The following TRIM44 variants were observed in gnomAD, a reference collection of about 807,000 sequenced individuals.
The protein encoded by TRIM44 is tripartite motif-containing protein 44.
A neutral mutation model predicts 37.4 loss-of-function variants in TRIM44; 13 were observed. That is an observed-to-expected ratio of 0.35 (90% CI 0.23 to 0.55). TRIM44 has a LOEUF of 0.55. Ranked by LOEUF, TRIM44 falls within the 20% of genes least tolerant of loss-of-function variation. The pLI is 0.89. For synonymous variants in TRIM44, 175 were observed against 157.2 expected (o/e 1.11, Z -0.85); for missense variants, 426 against 437.2 (o/e 0.97, Z 0.23).
rs114308887 is a variant in TRIM44, at chr11:35,817,003, C to T, written c.*10618C>T. On this transcript the variant is annotated 3_prime_UTR_variant, in exon 5 of 5. Coordinates refer to ENST00000299413, the MANE Select transcript of TRIM44 (RefSeq NM_017583.6). ...ATCAACGGTAAGTACCTCAAATTACCGTATGTATTTACTTGTTCATAAGGT... is the reference window on the plus strand; with the variant it reads ...ATCAACGGTAAGTACCTCAAATTACTGTATGTATTTACTTGTTCATAAGGT... The T allele has an allele frequency of 2.0e-5, 3 of 152,210 alleles. No individual in the cohort carries two copies. The highest frequency in any genetic ancestry group is 6.5e-5 in the Admixed American group (1 of 15,280). 9.4% of individuals were successfully genotyped at this position (152,210 alleles called of 1,614,324 possible).
chr11:35,759,468 G>A (rs1216140791), intron 4 of TRIM44, among the ~76,000 whole-genome samples: 1 of 152,064 alleles, frequency 6.6e-6, no homozygotes, highest in African/African-American at 2.4e-5. Context: ...GCTCAGAGTA[G>A]TTTGATCATC....
At chr11:35,774,820 G>C (rs1402558815) in intron 4 of TRIM44, among the ~76,000 whole-genome samples, 1 of 152,110 alleles carries the variant, frequency 6.6e-6, no homozygotes, top group Non-Finnish European at 1.5e-5. Flanking sequence ...CTGTTCCATT[G>C]GTCTATATCT....
intron 4 of TRIM44, among the ~76,000 whole-genome samples, chr11:35,790,157 C>T (rs896686348): frequency 6.6e-6 from 1 of 152,148 alleles, no homozygotes; most frequent in Non-Finnish European, 1.5e-5. Flanking sequence ...TTAACCTCAT[C>T]GTAAGATGAC....
intron 4 of TRIM44, among the ~76,000 whole-genome samples, chr11:35,770,914 G>A (rs1209454616): frequency 6.6e-6 from 1 of 152,070 alleles, no homozygotes; most frequent in Non-Finnish European, 1.5e-5. Flanking sequence ...GTGAATCTGA[G>A]GCCTCCCCAG....
chr11:35,704,773 C>G (rs1049952109), intron 2 of TRIM44, among the ~76,000 whole-genome samples: 31 of 152,070 alleles, frequency 2.0e-4, no homozygotes, highest in African/African-American at 4.4e-4. Flanking sequence ...ACTAAACATG[C>G]AAAGGAACAA....
intron 2 of TRIM44, among the ~76,000 whole-genome samples, chr11:35,722,281 T>A (rs1274938837): frequency 6.6e-6 from 1 of 152,194 alleles, no homozygotes; most frequent in Non-Finnish European, 1.5e-5. Context: ...TTTGGAGTAG[T>A]CTCCTTAACA....
At chr11:35,794,237 C>T (rs114851782) in intron 4 of TRIM44, among the ~76,000 whole-genome samples, 1,946 of 152,228 alleles carry the variant, frequency 0.013, 45 homozygotes, top group African/African-American at 0.044. Flanking sequence ...CTATCTTGGC[C>T]TTGCTGACTT....
chr11:35,728,324 C>G (rs930230319), intron 3 of TRIM44, among the ~76,000 whole-genome samples: 1 of 151,760 alleles, frequency 6.6e-6, no homozygotes, highest in Non-Finnish European at 1.5e-5. Flanking sequence ...GAAACTCCAT[C>G]TCAAAAAAAA....
At chr11:35,748,352 T>C (rs1852520870) in intron 4 of TRIM44, among the ~76,000 whole-genome samples, 1 of 152,212 alleles carries the variant, frequency 6.6e-6, no homozygotes, top group Non-Finnish European at 1.5e-5. Context: ...CTTGTTTAGG[T>C]ACTTAATCAT....
chr11:35,710,081 T>A (rs1851947584), intron 2 of TRIM44, among the ~76,000 whole-genome samples: 1 of 152,218 alleles, frequency 6.6e-6, no homozygotes, highest in Admixed American at 6.5e-5. Context: ...TGTGACTGGA[T>A]GAAATATGGC....
intron 1 of TRIM44, among the ~76,000 whole-genome samples, chr11:35,676,418 G>C (rs781622925): frequency 3.3e-5 from 5 of 152,100 alleles, no homozygotes; most frequent in Non-Finnish European, 7.4e-5. Context: ...CTCTAATCTG[G>C]TGGGTAGATA....
At chr11:35,715,966 A>G (rs1852035794) in intron 2 of TRIM44, among the ~76,000 whole-genome samples, 1 of 152,172 alleles carries the variant, frequency 6.6e-6, no homozygotes. Flanking sequence ...CACCCTTATG[A>G]TCCAGTCATC....
chr11:35,676,808 G>A (rs1851464316), intron 1 of TRIM44, among the ~76,000 whole-genome samples: 1 of 152,182 alleles, frequency 6.6e-6, no homozygotes, highest in South Asian at 2.1e-4. Flanking sequence ...CTGACTTCAT[G>A]TGTATAAATA....
chr11:35,776,212 T>C (rs1046371285), intron 4 of TRIM44, among the ~76,000 whole-genome samples: 1 of 152,218 alleles, frequency 6.6e-6, no homozygotes, highest in Non-Finnish European at 1.5e-5. Flanking sequence ...TCCAGGAATT[T>C]ATGCATTTCT....
intron 2 of TRIM44, among the ~76,000 whole-genome samples, chr11:35,703,435 C>T (rs937526272): frequency 6.6e-6 from 1 of 152,234 alleles, no homozygotes; most frequent in Non-Finnish European, 1.5e-5. Flanking sequence ...AGCTGGAGAT[C>T]TGAGAATGGG....
At chr11:35,714,276 C>T (rs1278457725) in intron 2 of TRIM44, among the ~76,000 whole-genome samples, 1 of 152,042 alleles carries the variant, frequency 6.6e-6, no homozygotes, top group African/African-American at 2.4e-5. Context: ...GCCCGGAGAG[C>T]CCTAAGTGCT....
At chr11:35,801,917 C>T (rs560594881) in intron 4 of TRIM44, among the ~76,000 whole-genome samples, 14 of 152,202 alleles carry the variant, frequency 9.2e-5, no homozygotes, top group African/African-American at 1.7e-4. Context: ...CCTTTTTGCC[C>T]GTTTTTAAAT....
chr11:35,676,459 G>A (rs543356875), intron 1 of TRIM44, among the ~76,000 whole-genome samples: 1 of 152,162 alleles, frequency 6.6e-6, no homozygotes. Flanking sequence ...TTGGAGAAGA[G>A]GCTTCTGTAT....
At chr11:35,727,873 C>A (rs1852201891) in intron 3 of TRIM44, among the ~76,000 whole-genome samples, 1 of 152,144 alleles carries the variant, frequency 6.6e-6, no homozygotes, top group African/African-American at 2.4e-5. Flanking sequence ...GCTTTGCATA[C>A]CTTTACAATG....
Sources: allele counts gnomAD v4.1 joint callset (sites outside exome capture counted in the v4.1 genomes callset), GRCh38; gene constraint gnomAD v4.1.1; transcripts MANE v1.5; gene names NCBI Gene and HGNC (gene_info 2026-07-23, HGNC 2026-07-21).